HAUS7: variants seen among roughly 807,000 people sequenced by gnomAD.
The protein encoded by HAUS7 is HAUS augmin like complex subunit 7, also known as HAUS augmin-like complex subunit 7.
In HAUS7, 3 loss-of-function variants were observed where a neutral mutation model predicts 28.4. The observed-to-expected ratio is 0.11, with a 90% confidence interval of 0.05 to 0.27. The LOEUF (loss-of-function observed/expected upper bound fraction) is 0.27. Ranked by LOEUF, HAUS7 falls within the 10% of genes least tolerant of loss-of-function variation. HAUS7 has a pLI of 1.00. For synonymous variants in HAUS7, 165 were observed against 132.1 expected (o/e 1.25, Z -1.71); for missense variants, 284 against 297.3 (o/e 0.96, Z 0.33).
At chrX:153,486,330 T>G (rs1556988531) in intron 1 of HAUS7, among the ~76,000 whole-genome samples, 1 of 112,870 alleles carries the variant, frequency 8.9e-6, no homozygotes, top group Non-Finnish European at 1.9e-5. Context: ...TGATGGAGGC[T>G]GTGCCCAGTG....
At chrX:153,469,009 C>G in intron 2 of HAUS7, 137 bp downstream of exon 2, 1 of 471,956 alleles carries the variant, frequency 2.1e-6, no homozygotes, top group Non-Finnish European at 3.8e-6. Context: ...GCTGTTCTCA[C>G]GAGGGTCCAG....
chrX:153,473,858 T>G (rs1464720661), upstream of HAUS7, among the ~76,000 whole-genome samples: 1 of 110,973 alleles, frequency 9.0e-6, no homozygotes, highest in African/African-American at 3.3e-5. Flanking sequence ...ACCTCTCTGC[T>G]GCTAAGCTGC....
At chrX:153,463,587 A>G (rs781811160) in intron 3 of HAUS7, among the ~76,000 whole-genome samples, 3 of 112,397 alleles carry the variant, frequency 2.7e-5, no homozygotes, top group African/African-American at 9.7e-5. Context: ...GGGTGTCGTT[A>G]CAGCCAAGAG....
At chrX:153,486,154 A>G (rs953526411) in intron 1 of HAUS7, 8 of 810,553 alleles carry the variant, frequency 9.9e-6, no homozygotes, top group Non-Finnish European at 1.3e-5. Context: ...GCACCCTGCC[A>G]GCACACAGAG....
At chrX:153,469,836 G>C (rs1378058857) in intron 1 of HAUS7, among the ~76,000 whole-genome samples, 1 of 111,110 alleles carries the variant, frequency 9.0e-6, no homozygotes, top group Non-Finnish European at 1.9e-5. Context: ...CCTAGGTTTC[G>C]GGACTGAGGG....
chrX:153,453,301 G>A (rs1474583314), intron 9 of HAUS7, among the ~76,000 whole-genome samples: 1 of 111,606 alleles, frequency 9.0e-6, no homozygotes, highest in Non-Finnish European at 1.9e-5. Flanking sequence ...TAATCATATG[G>A]GGTTTCTTCT....
At chrX:153,458,794 G>A (rs1008962827) in intron 4 of HAUS7, among the ~76,000 whole-genome samples, 1 of 111,605 alleles carries the variant, frequency 9.0e-6, no homozygotes, top group Non-Finnish European at 1.9e-5. Context: ...GTCTTGCTCT[G>A]TCGCTCAGGC....
At chrX:153,454,795 G>T in intron 8 of HAUS7, 1 of 685,902 alleles carries the variant, frequency 1.5e-6, no homozygotes, top group Non-Finnish European at 2.2e-6. Context: ...CCAGCACTGC[G>T]TGTCCTCCCA....
intron 9 of HAUS7, among the ~76,000 whole-genome samples, chrX:153,448,338 G>T (rs868994273): frequency 1.1e-5 from 1 of 94,480 alleles, no homozygotes; most frequent in Non-Finnish European, 2.0e-5. Context: ...GGTGGGAACT[G>T]AACAATGAGA....
At chrX:153,479,212 G>A in intron 1 of HAUS7, 1 of 350,676 alleles carries the variant, frequency 2.9e-6, no homozygotes, top group Non-Finnish European at 3.7e-6. Flanking sequence ...CCATCGTCCT[G>A]CCGTGGCCAC....
intron 5 of HAUS7, 52 bp downstream of exon 5, chrX:153,457,085 G>C (rs2124091945): frequency 1.2e-6 from 1 of 815,058 alleles, no homozygotes; most frequent in African/African-American, 2.0e-5. Flanking sequence ...TCCAGAACTA[G>C]GACCAAGAGA....
At chrX:153,448,732 C>T (rs782685575) in intron 9 of HAUS7, among the ~76,000 whole-genome samples, 4 of 112,021 alleles carry the variant, frequency 3.6e-5, no homozygotes, top group South Asian at 7.4e-4. Context: ...CAGGCACTGC[C>T]GAGCTGGGAG....
At chrX:153,494,646 C>T (rs1197185962) in intron 1 of HAUS7, among the ~76,000 whole-genome samples, 1 of 110,123 alleles carries the variant, frequency 9.1e-6, no homozygotes, top group Non-Finnish European at 1.9e-5. Flanking sequence ...ACCTCAGTGT[C>T]CCCATCTGGG....
chrX:153,482,036 G>A (rs1328177814), intron 1 of HAUS7: 2 of 343,469 alleles, frequency 5.8e-6, no homozygotes, highest in East Asian at 2.1e-4. Flanking sequence ...TGCTTAGGGG[G>A]TAAGGCCTGG....
Position 153,456,208 on chromosome X carries a change from G to A in HAUS7, c.705+57C>T. 3 of 939,055 alleles carry A rather than the reference G, an allele frequency of 3.2e-6. No individual in the cohort carries two copies. The East Asian group carries it at 9.2e-5, about 29-fold the overall frequency. 77.4% of individuals were successfully genotyped at this position (939,055 alleles called of 1,213,427 possible). A position where few individuals can be genotyped will look rare whatever the true frequency, so the allele number is the denominator to read the frequency against. ...GCCTAAGCCTCACGTGCTGAGGGAG[G>A]TGACAAAGCAGGGCCTTGCCTCCAA... On this transcript the variant is annotated intron_variant, in intron 7 of 9. Coordinates refer to ENST00000370211, the MANE Select transcript of HAUS7 (RefSeq NM_001385482.1).
chrX:153,479,331 C>T (rs988299029), intron 1 of HAUS7: 18 of 753,258 alleles, frequency 2.4e-5, no homozygotes, highest in Middle Eastern at 7.5e-4. Context: ...CCCCACCAAC[C>T]CCCATGGGCT....
chrX:153,492,477 T>C (rs1052907442), intron 1 of HAUS7, among the ~76,000 whole-genome samples: 1 of 112,379 alleles, frequency 8.9e-6, no homozygotes, highest in African/African-American at 3.2e-5. Flanking sequence ...TTATGGCTTA[T>C]TGCAGACTGC....
At chrX:153,481,981 C>T (rs782159321) in intron 1 of HAUS7, 2 of 614,394 alleles carry the variant, frequency 3.3e-6, no homozygotes, top group Middle Eastern at 4.8e-4. Context: ...CTGGGGCTGG[C>T]AGGTCCCAGG....
chrX:153,476,243 C>T (rs1316563525), intron 1 of HAUS7, among the ~76,000 whole-genome samples: 2 of 112,473 alleles, frequency 1.8e-5, no homozygotes, highest in Non-Finnish European at 1.9e-5. Context: ...CCCTCTTTTT[C>T]GGAGGGCTCT....
Sources: gnomAD v4.1 joint callset for allele counts (sites outside exome capture counted in the v4.1 genomes callset) on GRCh38, gnomAD v4.1.1 for gene constraint, MANE v1.5 for transcripts, NCBI Gene and HGNC (gene_info 2026-07-23, HGNC 2026-07-21) for gene names.